DROSHA: variants seen among roughly 807,000 people sequenced by gnomAD.
DROSHA encodes the protein drosha ribonuclease III, also known as ribonuclease 3.
DROSHA carries 56 observed loss-of-function variants against 181.9 expected under a neutral mutation model. The observed-to-expected ratio is 0.31, with a 90% CI of 0.25 to 0.38. The LOEUF (loss-of-function observed/expected upper bound fraction) is 0.38. Among genes scored for constraint, DROSHA ranks in the 10% least tolerant of loss-of-function variants. The probability of loss-of-function intolerance (pLI) is 1.00; values close to 1 mark genes in which losing one functional copy is unlikely to be tolerated. For missense variants in DROSHA, 1,218 were observed against 1,743.5 expected (o/e 0.70, Z 5.37); for synonymous variants, 524 against 591.2 (o/e 0.89, Z 1.65).
rs1739139287 is a variant in DROSHA at position 31,515,178 on chromosome 5, T to A, written c.1100A>T (p.Glu367Val). The A allele has an allele frequency of 6.2e-7, 1 of 1,613,858 alleles. No homozygotes were observed. The highest frequency in any genetic ancestry group is 8.5e-7 in the Non-Finnish European group (1 of 1,179,890). The change falls in exon 8 of 36, where the codon GAA (glutamate) becomes GTA (valine). Residue 367 changes from glutamate (E) to valine (V), a missense_variant. By Grantham distance (121) the Glu-to-Val change is moderately radical. Around this residue, in one of 8 missense-constraint regions of DROSHA, gnomAD observed 536 missense variants for 535.4 expected, o/e 1.00. Coordinates refer to ENST00000344624, the MANE Select transcript of DROSHA (RefSeq NM_001382508.1). Reference sequence around the variant, plus strand: ...GTTGTCACTCCAACGGTCTTTTTCTTCCTCCCAACGAGCTCTCTTCTTCTC... The same window carrying A: ...GTTGTCACTCCAACGGTCTTTTTCTACCTCCCAACGAGCTCTCTTCTTCTC... Reference protein sequence around the residue: ...SREKKRARWEEEKDRWSDNQS... With the variant: ...SREKKRARWEVEKDRWSDNQS...
intron 17 of DROSHA, 150 bp from the exon 18 acceptor site, chr5:31,468,213 G>T: frequency 1.2e-6 from 1 of 813,942 alleles, no homozygotes; most frequent in Non-Finnish European, 1.8e-6. Flanking sequence ...AATTACAGCA[G>T]CTATACTATC....
intron 6 of DROSHA, among the ~76,000 whole-genome samples, chr5:31,516,811 T>C (rs1465735974): frequency 6.6e-6 from 1 of 152,210 alleles, no homozygotes; most frequent in Non-Finnish European, 1.5e-5. Context: ...ACATTATTAT[T>C]CTTTTATATG....
chr5:31,473,843 G>T lies in DROSHA; in HGVS notation c.2072-1611C>A, dbSNP rs571583816. Among the ~76,000 whole-genome samples, 7 of 152,334 alleles carry T rather than the reference G, an allele frequency of 4.6e-5. No homozygotes were observed. In the South Asian group the frequency reaches 1.4e-3, roughly 32 times the overall value. Reference sequence around the variant, plus strand: ...TAGGAACTGCAAAGAGGCCACTGTGGATGGTGTGAAGTCAGAAGAATGTGA... The same window carrying T: ...TAGGAACTGCAAAGAGGCCACTGTGTATGGTGTGAAGTCAGAAGAATGTGA... On this transcript the variant is annotated intron_variant, in intron 16 of 35. Transcript: ENST00000344624.
At chr5:31,499,526 C>A (rs1246176102) in intron 11 of DROSHA, among the ~76,000 whole-genome samples, 2 of 152,066 alleles carry the variant, frequency 1.3e-5, no homozygotes, top group Non-Finnish European at 2.9e-5. Flanking sequence ...AGAAGCTGTA[C>A]ACCGGAAGCA....
At chr5:31,502,155 C>T (rs1222345074) in intron 11 of DROSHA, among the ~76,000 whole-genome samples, 2 of 152,240 alleles carry the variant, frequency 1.3e-5, no homozygotes, top group African/African-American at 2.4e-5. Context: ...ATTGTTCCAA[C>T]CTGCTTACAC....
intron 20 of DROSHA, among the ~76,000 whole-genome samples, chr5:31,453,248 T>C (rs1029719146): frequency 1.3e-5 from 2 of 152,166 alleles, no homozygotes; most frequent in Admixed American, 6.5e-5. Flanking sequence ...CAGGCTAGAG[T>C]GCAGTGACAC....
intron 13 of DROSHA, 41 bp from the exon 14 acceptor site, chr5:31,486,603 C>A: frequency 6.3e-7 from 1 of 1,576,050 alleles, no homozygotes; most frequent in South Asian, 1.1e-5. Flanking sequence ...CCAACGTCTC[C>A]CTGCAGGCTC....
chr5:31,489,851 G>A (rs1243343804), intron 13 of DROSHA, among the ~76,000 whole-genome samples: 6 of 152,114 alleles, frequency 3.9e-5, no homozygotes, highest in Non-Finnish European at 8.8e-5. Flanking sequence ...AAAATACGGT[G>A]TAACTCATAC....
At chr5:31,524,299 T>C (rs1740270966) in intron 5 of DROSHA, among the ~76,000 whole-genome samples, 1 of 152,172 alleles carries the variant, frequency 6.6e-6, no homozygotes. Context: ...CAGAACCAAA[T>C]TGATAGAGCC....
chr5:31,511,012 G>C, intron 9 of DROSHA, 23 bp downstream of exon 9: 2 of 1,613,346 alleles, frequency 1.2e-6, no homozygotes, highest in Non-Finnish European at 1.7e-6. Flanking sequence ...AGGGTCTCAG[G>C]CTAGTTAGTG....
In DROSHA at chr5:31,478,682, C is replaced by A. The variant is rs781288120; in HGVS notation, c.2071+4872G>T. On this transcript the variant is annotated intron_variant, in intron 16 of 35. Transcript: ENST00000344624. ...CCGGGAGGCAGAGGTTGCAGTGAGC[C>A]GAGATGGCACCACCGCACTCCACCC... is the stretch of plus-strand genomic sequence containing the variant. 1.3e-5 allele frequency among the ~76,000 whole-genome samples: 2 copies of A among 151,892 alleles called. 1 individual carries two copies. The highest frequency in any genetic ancestry group is 4.8e-5 in the African/African-American group (2 of 41,308).
intron 20 of DROSHA, among the ~76,000 whole-genome samples, chr5:31,454,365 G>A (rs757076385): frequency 4.6e-5 from 7 of 152,158 alleles, no homozygotes; most frequent in East Asian, 3.9e-4. Flanking sequence ...AGAGGGAAAC[G>A]AAAGGCAAAA....
rs535960636 is a variant in DROSHA, at chr5:31,515,938, C to T, written c.948-374G>A. 3.3e-5 allele frequency among the ~76,000 whole-genome samples: 5 copies of T among 152,314 alleles called. No homozygotes were observed. In the South Asian group the frequency reaches 1.0e-3, roughly 32 times the overall value. On this transcript the variant is annotated intron_variant, in intron 6 of 35. Transcript: ENST00000344624. ...GGCTTGAAATCTGCAAAGACCCATC[C>T]TATGGATGTACTTGGAGGGAAAAAC...
At chr5:31,443,591 A>C (rs1745914663) in intron 23 of DROSHA, among the ~76,000 whole-genome samples, 1 of 152,216 alleles carries the variant, frequency 6.6e-6, no homozygotes, top group Non-Finnish European at 1.5e-5. Flanking sequence ...TGACATTTTA[A>C]AAATTATGGG....
rs60575562 is a variant in DROSHA at position 31,507,135 on chromosome 5, C to T, written c.1587+1486G>A. ...TTTGAGACCAGCCTGGGCAACATAG[C>T]GAGACCTCATCTCTACAAATAATTT... On this transcript the variant is annotated intron_variant, in intron 10 of 35. Transcript: ENST00000344624. Among the ~76,000 whole-genome samples, 116 of 151,900 alleles carry T rather than the reference C, an allele frequency of 7.6e-4. No homozygotes were observed. The Middle Eastern group carries it at 0.01, about 13-fold the overall frequency.
chr5:31,421,748 T>C (rs1742682980), intron 29 of DROSHA: 1 of 165,504 alleles, frequency 6.0e-6, no homozygotes, highest in African/African-American at 2.4e-5. Context: ...TTGAAATATA[T>C]ACTCTGGCCG....
Position 31,401,488 on chromosome 5 carries a change from A to G in DROSHA, c.4069T>C (p.Trp1357Arg). ...TCTCTCTCTTGATGCTCTCTTTCCC[A>G]CCTCATTTCTTTTAACTCTTGTCTG... ...KYRQELKEMR[W>R]EREHQEREPD... Residue 1357 changes from tryptophan (W) to arginine (R), a missense_variant, in exon 36 of 36, where the codon TGG (tryptophan) becomes CGG (arginine). Around this residue, in one of 8 missense-constraint regions of DROSHA, gnomAD observed 32 missense variants for 29.2 expected, o/e 1.09. Transcript: ENST00000344624. 1.9e-6 allele frequency: 3 copies of G among 1,612,404 alleles called. No homozygotes were observed. In the South Asian group the frequency reaches 3.3e-5, roughly 18 times the overall value.
chr5:31,529,097 A>G lies in DROSHA; in HGVS notation c.-38T>C, dbSNP rs372765496. The stretch of plus-strand genomic sequence containing the variant: ...GGATATGTCACATCTTCCACAGAGA[A>G]TATAAGCTCTAAAAAACAGAAAGAA... On this transcript the variant is annotated 5_prime_UTR_variant, in exon 4 of 36. Coordinates refer to ENST00000344624, the MANE Select transcript of DROSHA (RefSeq NM_001382508.1). 1.5e-4 allele frequency: 235 copies of G among 1,609,720 alleles called. No homozygotes were observed. The Middle Eastern group carries it at 6.1e-3, about 42-fold the overall frequency.
chr5:31,507,720 T>G (rs1473433910), intron 10 of DROSHA, among the ~76,000 whole-genome samples: 1 of 152,188 alleles, frequency 6.6e-6, no homozygotes, highest in Non-Finnish European at 1.5e-5. Context: ...TGCAACCCCA[T>G]GAATATACTA....
Sources: gnomAD v4.1 joint callset for allele counts (sites outside exome capture counted in the v4.1 genomes callset) on GRCh38, gnomAD v4.1.1 for gene constraint, gnomAD v4.1.1 regional missense constraint, MANE v1.5 for transcripts, NCBI Gene and HGNC (gene_info 2026-07-23, HGNC 2026-07-21) for gene names.